EBF2: variants seen among roughly 807,000 people sequenced by gnomAD.
EBF2 encodes the protein EBF transcription factor 2.
Under a neutral mutation model 72.8 loss-of-function variants are expected in EBF2, and 21 were observed. That is an observed-to-expected ratio of 0.29 (90% confidence interval 0.20 to 0.42). The LOEUF (loss-of-function observed/expected upper bound fraction) is 0.42, where lower values mean the gene tolerates loss of function less well. Among genes scored for constraint, EBF2 ranks in the 10% least tolerant of loss-of-function variants. The pLI, the probability that EBF2 is intolerant of heterozygous loss-of-function variation, is 1.00. For missense variants in EBF2, 637 were observed against 731.2 expected (o/e 0.87, Z 1.49); for synonymous variants, 299 against 274.2 (o/e 1.09, Z -0.89).
intron 6 of EBF2, among the ~76,000 whole-genome samples, chr8:25,968,224 T>C (rs1804142758): frequency 6.6e-6 from 1 of 152,006 alleles, no homozygotes; most frequent in South Asian, 2.1e-4. Flanking sequence ...GTTTGAAGAG[T>C]AATTTGTACA....
chr8:25,935,549 A>G (rs888898935), intron 6 of EBF2, among the ~76,000 whole-genome samples: 2 of 152,186 alleles, frequency 1.3e-5, no homozygotes, highest in African/African-American at 4.8e-5. Context: ...GCCAGTGTGT[A>G]GGGATTCCAC....
intron 6 of EBF2, among the ~76,000 whole-genome samples, chr8:25,964,538 A>G (rs1371621927): frequency 1.3e-5 from 2 of 152,174 alleles, no homozygotes; most frequent in Non-Finnish European, 2.9e-5. Flanking sequence ...ACTGGATTAG[A>G]TAGGACAACT....
chr8:25,940,134 C>G (rs1259794919), intron 6 of EBF2, among the ~76,000 whole-genome samples: 1 of 152,148 alleles, frequency 6.6e-6, no homozygotes, highest in Non-Finnish European at 1.5e-5. Flanking sequence ...AAAGAATAGA[C>G]TATTAGAACT....
intron 6 of EBF2, among the ~76,000 whole-genome samples, chr8:26,022,572 T>TTG (rs1805220799): frequency 6.6e-6 from 1 of 152,142 alleles, no homozygotes; most frequent in African/African-American, 2.4e-5. Flanking sequence ...CCCAAAGTGT[T>TTG]TGTTCCATCT....
At chr8:26,034,907 C>T (rs1805472545) in intron 5 of EBF2, among the ~76,000 whole-genome samples, 2 of 152,198 alleles carry the variant, frequency 1.3e-5, no homozygotes, top group Admixed American at 1.3e-4. Context: ...GGTGTCCAAG[C>T]TGTCACCAAC....
chr8:26,044,014 G>C lies in EBF2; in HGVS notation c.131+715C>G, dbSNP rs1466563. Among the ~76,000 whole-genome samples the C allele has an allele frequency of 0.97, 148,120 of 152,356 alleles. 72,002 individuals carry two copies. Among genetic ancestry groups the C allele is most frequent in the East Asian group, 1 (5,176 of 5,180 alleles). On this transcript the variant is annotated intron_variant, in intron 1 of 15. Coordinates refer to ENST00000520164, the MANE Select transcript of EBF2 (RefSeq NM_022659.4). The surrounding 1 kb of genome is among the most constrained non-coding windows in gnomAD (Gnocchi z 4.1). ...TCCCTGAGCCAGTCTAGCTGCTGGTGGCCTTTTCTCGCCTCTTTCTTCTTC... is the reference window on the plus strand; with the variant it reads ...TCCCTGAGCCAGTCTAGCTGCTGGTCGCCTTTTCTCGCCTCTTTCTTCTTC...
intron 6 of EBF2, among the ~76,000 whole-genome samples, chr8:25,914,201 T>G (rs1803174517): frequency 6.6e-6 from 1 of 152,216 alleles, no homozygotes; most frequent in African/African-American, 2.4e-5. Flanking sequence ...CTTCGTATGG[T>G]AAGAAAACTC....
chr8:25,866,476 A>T (rs1276147237), intron 10 of EBF2, among the ~76,000 whole-genome samples: 1 of 142,644 alleles, frequency 7.0e-6, no homozygotes, highest in Non-Finnish European at 1.5e-5. Flanking sequence ...TAGGATATAT[A>T]ATATAAAAAT....
At chr8:25,852,944 A>T (rs1295750156) in intron 14 of EBF2, among the ~76,000 whole-genome samples, 1 of 152,228 alleles carries the variant, frequency 6.6e-6, no homozygotes, top group Non-Finnish European at 1.5e-5. Flanking sequence ...GCATTGTGCT[A>T]GCACAGAAAT....
At chr8:25,965,234 A>G (rs553877538) in intron 6 of EBF2, among the ~76,000 whole-genome samples, 10 of 152,332 alleles carry the variant, frequency 6.6e-5, no homozygotes, top group Non-Finnish European at 1.5e-4. Flanking sequence ...TTTATTTCCC[A>G]AAAGAGCAAT....
At position 25,889,785 on chromosome 8, in the gene EBF2, C is replaced by T. The variant is rs1802747935; in HGVS notation, c.718G>A (p.Gly240Arg). 1 of 1,614,036 alleles carries T rather than the reference C, an allele frequency of 6.2e-7. No homozygotes were observed. The highest frequency in any genetic ancestry group is 8.5e-7 in the Non-Finnish European group (1 of 1,179,948). Residue 240 changes from glycine to arginine, a missense_variant, in exon 8 of 16, where the codon GGA (glycine) becomes AGA (arginine). By Grantham distance (125) the Gly-to-Arg change is moderately radical. Transcript: ENST00000520164. Reference sequence around the variant, plus strand: ...GGATCGAGTCTTCTTGCTCTCCGTCCATGCTTGGAGTTGTTATGAACAAAC... The same window carrying T: ...GGATCGAGTCTTCTTGCTCTCCGTCTATGCTTGGAGTTGTTATGAACAAAC... ...NMFVHNNSKH[G>R]RRARRLDPSE...
At chr8:25,912,012 C>A (rs1215419829) in intron 6 of EBF2, among the ~76,000 whole-genome samples, 1 of 152,128 alleles carries the variant, frequency 6.6e-6, no homozygotes, top group Non-Finnish European at 1.5e-5. Flanking sequence ...TCAGGAATAT[C>A]ACAGATCAGA....
rs1801752842 is a variant in EBF2, at chr8:25,842,066, A to T, written c.*2543T>A. 1 of 152,180 alleles carries T rather than the reference A, an allele frequency of 6.6e-6. No homozygotes were observed. The highest frequency in any genetic ancestry group is 2.4e-5 in the African/African-American group (1 of 41,446). 9.4% of individuals were successfully genotyped at this position (152,180 alleles called of 1,614,324 possible). ...AAAAGAAAGATAAATAATGAAGTAA[A>T]TTGTCCCTTTAAATGAAAAAAATCT... is the stretch of plus-strand genomic sequence containing the variant. On this transcript the variant is annotated 3_prime_UTR_variant, in exon 16 of 16. Coordinates refer to ENST00000520164, the MANE Select transcript of EBF2 (RefSeq NM_022659.4).
At chr8:25,875,154 C>T (rs73224002) in intron 10 of EBF2, among the ~76,000 whole-genome samples, 1,649 of 152,206 alleles carry the variant, frequency 0.011, 20 homozygotes, top group Middle Eastern at 0.099. Flanking sequence ...TCCACATTTT[C>T]CAGAAGACAG....
intron 6 of EBF2, among the ~76,000 whole-genome samples, chr8:25,976,548 C>T (rs1392353167): frequency 6.6e-6 from 1 of 152,124 alleles, no homozygotes; most frequent in Non-Finnish European, 1.5e-5. Flanking sequence ...TCCTGTATTT[C>T]TTCTTTACTT....
chr8:26,018,954 A>G (rs79172100), intron 6 of EBF2, among the ~76,000 whole-genome samples: 2 of 145,380 alleles, frequency 1.4e-5, no homozygotes, highest in African/African-American at 5.1e-5. Flanking sequence ...AAAAAAAAAA[A>G]GGCAAAGAAC....
At chr8:25,948,493 T>C (rs533593031) in intron 6 of EBF2, among the ~76,000 whole-genome samples, 5 of 152,290 alleles carry the variant, frequency 3.3e-5, no homozygotes, top group African/African-American at 1.2e-4. Flanking sequence ...TATACCCTAT[T>C]TGACTAGGAA....
chr8:25,957,881 T>A (rs1803975142), intron 6 of EBF2, among the ~76,000 whole-genome samples: 1 of 152,120 alleles, frequency 6.6e-6, no homozygotes, highest in South Asian at 2.1e-4. Flanking sequence ...AATAAGATGG[T>A]GTTTAAACAT....
At chr8:25,922,149 C>A (rs1215246951) in intron 6 of EBF2, among the ~76,000 whole-genome samples, 1 of 152,032 alleles carries the variant, frequency 6.6e-6, no homozygotes, top group African/African-American at 2.4e-5. Context: ...TGCTGAAAAC[C>A]AGAACCTGAG....
Sources: gnomAD v4.1 joint callset for allele counts (sites outside exome capture counted in the v4.1 genomes callset) on GRCh38, gnomAD v4.1.1 for gene constraint, Gnocchi (gnomAD v3.1) non-coding constraint, MANE v1.5 for transcripts, NCBI Gene and HGNC (gene_info 2026-07-23, HGNC 2026-07-21) for gene names.